Variants in TNRC6B observed in about 807,000 individuals in gnomAD.
TNRC6B encodes trinucleotide repeat-containing gene 6B protein.
In TNRC6B, 52 loss-of-function variants were observed where a neutral mutation model predicts 203.6. That is an observed-to-expected ratio of 0.26 (90% CI 0.20 to 0.32). The LOEUF (loss-of-function observed/expected upper bound fraction) is 0.32, where lower values mean the gene tolerates loss of function less well. Among genes scored for constraint, TNRC6B ranks in the 10% least tolerant of loss-of-function variants. The probability of loss-of-function intolerance (pLI) is 1.00; values close to 1 mark genes in which losing one functional copy is unlikely to be tolerated. For synonymous variants in TNRC6B, 838 were observed against 845.7 expected, an observed-to-expected ratio of 0.99 and a Z score of 0.16; for missense variants, 1,923 against 2,286.2, an observed-to-expected ratio of 0.84 and a Z score of 3.24.
chr22:40,109,260 T>G (rs981801051), intron 1 of TNRC6B, among the ~76,000 whole-genome samples: 9 of 152,192 alleles, frequency 5.9e-5, no homozygotes, highest in South Asian at 2.1e-4. Flanking sequence ...GTATGTATCT[T>G]TATAATAGAA....
intron 1 of TNRC6B, among the ~76,000 whole-genome samples, chr22:40,096,466 T>A (rs2068186848): frequency 6.6e-6 from 1 of 152,176 alleles, no homozygotes; most frequent in Non-Finnish European, 1.5e-5. Context: ...GGTGGTGTGA[T>A]AATCTCTTTA....
chr22:40,256,322 A>G (rs978485233), intron 3 of TNRC6B, among the ~76,000 whole-genome samples: 7 of 152,212 alleles, frequency 4.6e-5, no homozygotes, highest in African/African-American at 1.4e-4. Flanking sequence ...GAAAGGGTGC[A>G]GACCCTATTG....
chr22:40,072,669 G>A (rs1356067051), intron 1 of TNRC6B, among the ~76,000 whole-genome samples: 1 of 151,942 alleles, frequency 6.6e-6, no homozygotes. Context: ...TTTGAGACCA[G>A]CCTGGCCAAC....
chr22:40,200,278 C>CTTTTTTTT lies in TNRC6B; in HGVS notation c.5+22155_5+22162dup, dbSNP rs59067007. ...TTAAAATAATTTAAAAAGTAATATT[C>CTTTTTTTT]TTTTTTTTTTTTTTTTTTTTTTTTG... On this transcript the variant is annotated intron_variant, in intron 1 of 22. Transcript: ENST00000454349. Among the ~76,000 whole-genome samples the CTTTTTTTT allele has an allele frequency of 2.9e-4, 22 of 75,512 alleles. 1 individual carries two copies. Among genetic ancestry groups the CTTTTTTTT allele is most frequent in the African/African-American group, 3.2e-4 (6 of 18,858 alleles). The allele number at this position is 75,512 out of a possible 152,430, so 49.5% of individuals were successfully genotyped here. A position where few individuals can be genotyped will look rare whatever the true frequency, so the allele number is the denominator to read the frequency against.
At position 40,251,202 on chromosome 22, in the gene TNRC6B, T is replaced by C. The variant is rs1223065075; in HGVS notation, c.115+2T>C. 1 of 1,532,092 alleles carries C rather than the reference T, an allele frequency of 6.5e-7. No homozygotes were observed. The highest frequency in any genetic ancestry group is 1.2e-5 in the South Asian group (1 of 82,064). The allele number at this position is 1,532,092 out of a possible 1,614,324, so 94.9% of individuals were successfully genotyped here. ...AGGTCACGGAACAAAAAACCAAAGG[T>C]AAGATCTTTTTTTTCTTTTTAAATT... On this transcript the variant is annotated splice_donor_variant, in intron 3 of 22. Transcript: ENST00000454349. LOFTEE classifies it high-confidence loss of function.
At chr22:40,226,729 C>T (rs1456685736) in intron 1 of TNRC6B, among the ~76,000 whole-genome samples, 1 of 152,112 alleles carries the variant, frequency 6.6e-6, no homozygotes, top group Non-Finnish European at 1.5e-5. Flanking sequence ...GTGATTAATG[C>T]TTTTTAAAGA....
At chr22:40,311,116 A>G in intron 17 of TNRC6B, 123 bp downstream of exon 17, 1 of 1,149,348 alleles carries the variant, frequency 8.7e-7, no homozygotes, top group South Asian at 1.6e-5. Context: ...TTTTTCATTC[A>G]ATAATTGTCT....
intron 3 of TNRC6B, among the ~76,000 whole-genome samples, chr22:40,154,530 A>C (rs2146350976): frequency 6.7e-6 from 1 of 149,300 alleles, no homozygotes; most frequent in South Asian, 2.1e-4. Context: ...CTATATGTAC[A>C]TACATATGGT....
In TNRC6B at chr22:40,324,957, G is replaced by A. The variant is rs1025516880; in HGVS notation, c.*1716G>A. 14 of 151,834 alleles carry A rather than the reference G, an allele frequency of 9.2e-5. No homozygotes were observed. Among genetic ancestry groups the A allele is most frequent in the Middle Eastern group, 3.4e-3 (1 of 296 alleles). The allele number at this position is 151,834 out of a possible 1,614,324, so 9.4% of individuals were successfully genotyped here. On this transcript the variant is annotated 3_prime_UTR_variant, in exon 23 of 23. Coordinates refer to ENST00000454349, the MANE Select transcript of TNRC6B (RefSeq NM_001162501.2). The stretch of plus-strand genomic sequence containing the variant: ...TTATCACCAACATGTATGTACTTAT[G>A]TCGGAATCAAAATGTATCAAACTGC...
intron 4 of TNRC6B, among the ~76,000 whole-genome samples, chr22:40,164,536 G>A (rs1395021837): frequency 6.6e-6 from 1 of 151,276 alleles, no homozygotes; most frequent in Non-Finnish European, 1.5e-5. Flanking sequence ...GCCAAGGCGG[G>A]TGGATCACCT....
In TNRC6B at chr22:40,328,479, A is replaced by G. The variant is rs2146590155; in HGVS notation, c.*5238A>G. The stretch of plus-strand genomic sequence containing the variant: ...TTATTAACACATATATCTCGCAGAA[A>G]CTAGAAGCTCATAGGCTGTTAACTT... On this transcript the variant is annotated 3_prime_UTR_variant, in exon 23 of 23. Coordinates refer to ENST00000454349, the MANE Select transcript of TNRC6B (RefSeq NM_001162501.2). 1 of 152,328 alleles carries G rather than the reference A, an allele frequency of 6.6e-6. No individual in the cohort carries two copies. The highest frequency in any genetic ancestry group is 1.5e-5 in the Non-Finnish European group (1 of 68,020). 9.4% of individuals were successfully genotyped at this position (152,328 alleles called of 1,614,324 possible).
intron 3 of TNRC6B, among the ~76,000 whole-genome samples, chr22:40,127,544 C>T (rs2068504064): frequency 6.6e-6 from 1 of 151,998 alleles, no homozygotes; most frequent in Admixed American, 6.6e-5. Flanking sequence ...ACATATACAC[C>T]CTTCCTCAAG....
Position 40,266,572 on chromosome 22 carries a change from G to A in TNRC6B, c.2342G>A (p.Gly781Glu). ...GWGEGGQNEI[G>E]TWGNGGNASL... ...GGTGAAGGAGGGCAGAATGAAATCG[G>A]GACTTGGGGTAATGGTGGCAATGCA... Residue 781 changes from glycine (G) to glutamate (E), a missense_variant, in exon 5 of 23, where the codon GGG (glycine) becomes GAG (glutamate). Physicochemically the swap from Gly to Glu is moderately conservative, Grantham distance 98. This residue lies in a region of TNRC6B where 599 missense variants were observed against 656.5 expected (regional missense o/e 0.91). Transcript: ENST00000454349. 1 of 1,613,530 alleles carries A rather than the reference G, an allele frequency of 6.2e-7. No homozygotes were observed. The highest frequency in any genetic ancestry group is 8.5e-7 in the Non-Finnish European group (1 of 1,179,654).
chr22:40,075,396 C>G (rs1242281062), intron 1 of TNRC6B, among the ~76,000 whole-genome samples: 1 of 151,392 alleles, frequency 6.6e-6, no homozygotes. Flanking sequence ...TTCCTTATCC[C>G]TGGTAATATT....
rs551019172 is a variant in TNRC6B, at chr22:40,241,333, C to T, written c.6-4682C>T. On this transcript the variant is annotated intron_variant, in intron 1 of 22. Coordinates refer to ENST00000454349, the MANE Select transcript of TNRC6B (RefSeq NM_001162501.2). ...ATAACCATCAAAGGGAAAAAATTAA[C>T]ACACCGATTCATGACCACCACTTAC... 3.9e-5 allele frequency among the ~76,000 whole-genome samples: 6 copies of T among 152,280 alleles called. No homozygotes were observed. The East Asian group carries it at 1.2e-3, about 29-fold the overall frequency.
intron 1 of TNRC6B, among the ~76,000 whole-genome samples, chr22:40,050,491 G>T (rs1865657554): frequency 6.6e-6 from 1 of 152,060 alleles, no homozygotes; most frequent in South Asian, 2.1e-4. Context: ...TCTTGGCTTG[G>T]GCTGTCCTTG....
intron 4 of TNRC6B, among the ~76,000 whole-genome samples, chr22:40,171,255 G>A (rs997697983): frequency 6.8e-5 from 10 of 147,612 alleles, no homozygotes; most frequent in Admixed American, 4.8e-4. Context: ...TCCGCTTCCC[G>A]GATTCAAGCG....
At chr22:40,248,916 C>A (rs998324061) in intron 2 of TNRC6B, among the ~76,000 whole-genome samples, 4 of 152,104 alleles carry the variant, frequency 2.6e-5, no homozygotes, top group Admixed American at 1.3e-4. Context: ...TCTGATTTAG[C>A]AGTTTTAAGG....
chr22:40,070,975 G>A (rs6001742), intron 1 of TNRC6B, among the ~76,000 whole-genome samples: 4 of 152,200 alleles, frequency 2.6e-5, no homozygotes, highest in African/African-American at 9.6e-5. Flanking sequence ...ATTCCCATCA[G>A]GTTTCACCAC....
Sources: gnomAD v4.1 joint callset for allele counts (sites outside exome capture counted in the v4.1 genomes callset) on GRCh38, gnomAD v4.1.1 for gene constraint, gnomAD v4.1.1 regional missense constraint, MANE v1.5 for transcripts, NCBI Gene and HGNC (gene_info 2026-07-23, HGNC 2026-07-21) for gene names.